The following SEMA3A variants were observed in gnomAD, a reference collection of about 807,000 sequenced individuals.
The protein encoded by SEMA3A is semaphorin-3A.
SEMA3A carries 29 observed loss-of-function variants against 97.9 expected under a neutral mutation model. The observed-to-expected ratio is 0.30, with a 90% confidence interval of 0.22 to 0.40. The LOEUF (loss-of-function observed/expected upper bound fraction) is 0.40, where lower values mean the gene tolerates loss of function less well. SEMA3A is among the 10% of genes least tolerant of loss of function. The probability of loss-of-function intolerance (pLI) is 1.00; values close to 1 mark genes in which losing one functional copy is unlikely to be tolerated. For synonymous variants in SEMA3A, 321 were observed against 323.7 expected (o/e 0.99, Z 0.09); for missense variants, 763 against 951.3 (o/e 0.80, Z 2.60).
intron 3 of SEMA3A, among the ~76,000 whole-genome samples, chr7:84,256,328 T>C (rs1271795803): frequency 6.6e-6 from 1 of 152,046 alleles, no homozygotes; most frequent in Non-Finnish European, 1.5e-5. Context: ...TGTCTCTAAC[T>C]CATTTATCTT....
intron 13 of SEMA3A, among the ~76,000 whole-genome samples, chr7:83,982,054 T>G (rs1789434318): frequency 6.6e-6 from 1 of 152,096 alleles, no homozygotes; most frequent in East Asian, 1.9e-4. Context: ...ACTACTAAAT[T>G]ACTACCCTTC....
intron 1 of SEMA3A, among the ~76,000 whole-genome samples, chr7:84,193,043 A>C (rs913267279): frequency 6.6e-6 from 1 of 151,996 alleles, no homozygotes; most frequent in Non-Finnish European, 1.5e-5. Flanking sequence ...TTAATTAAAT[A>C]ACGCTACATG....
At chr7:84,129,445 A>G (rs928729993) in intron 2 of SEMA3A, among the ~76,000 whole-genome samples, 2 of 152,204 alleles carry the variant, frequency 1.3e-5, no homozygotes, top group African/African-American at 4.8e-5. Flanking sequence ...CAATAGATCT[A>G]AGCAGTGTAG....
chr7:84,014,042 T>A (rs779312906), intron 7 of SEMA3A, among the ~76,000 whole-genome samples, 167 bp downstream of exon 7: 3 of 152,220 alleles, frequency 2.0e-5, no homozygotes, highest in Non-Finnish European at 4.4e-5. Context: ...TGCGAAGAGT[T>A]ACTCATAACC....
chr7:83,999,979 TA>T (rs1306132241), intron 12 of SEMA3A, among the ~76,000 whole-genome samples: 1 of 152,128 alleles, frequency 6.6e-6, no homozygotes, highest in East Asian at 1.9e-4. Flanking sequence ...AGGAAGGCCT[TA>T]AATTCTTTAA....
At position 84,095,358 on chromosome 7, in the gene SEMA3A, C is replaced by CATATATATATAT. The variant is rs200107086; in HGVS notation, c.453+15100_453+15111dup. On this transcript the variant is annotated intron_variant, in intron 4 of 16. Transcript: ENST00000265362. ...ATATATATTTTATATTTTTTATATA[C>CATATATATATAT]ATATATATATATATATATATATATA... 1.7e-3 allele frequency among the ~76,000 whole-genome samples: 203 copies of CATATATATATAT among 122,844 alleles called. 1 individual carries two copies. Among genetic ancestry groups the CATATATATATAT allele is most frequent in the African/African-American group, 4.8e-3 (139 of 28,980 alleles). The allele number at this position is 122,844 out of a possible 152,430, so 80.6% of individuals were successfully genotyped here.
chr7:84,410,194 C>G (rs1804223386), intron 1 of SEMA3A, among the ~76,000 whole-genome samples: 1 of 152,054 alleles, frequency 6.6e-6, no homozygotes, highest in Non-Finnish European at 1.5e-5. Context: ...AAGAAAAACA[C>G]AAATTCACAC....
rs1801405665 is a variant in SEMA3A at position 84,313,368 on chromosome 7, A to ACG, written c.-168-6077_-168-6076insCG. ...TATATGTGTGTGTGTATATATATAT[A>ACG]TATATATATATATATATATATATAT... On this transcript the variant is annotated intron_variant, in intron 2 of 3. Transcript: ENST00000424555. Among the ~76,000 whole-genome samples, 4 of 27,620 alleles carry ACG rather than the reference A, an allele frequency of 1.4e-4. 1 individual carries two copies. The highest frequency in any genetic ancestry group is 2.9e-4 in the African/African-American group (4 of 13,724). The allele number at this position is 27,620 out of a possible 152,430, so 18.1% of individuals were successfully genotyped here.
intron 1 of SEMA3A, among the ~76,000 whole-genome samples, chr7:84,417,875 T>C (rs1450570030): frequency 6.6e-6 from 1 of 152,146 alleles, no homozygotes; most frequent in Non-Finnish European, 1.5e-5. Flanking sequence ...TGTATGTATT[T>C]AACATTATAT....
At chr7:84,486,095 A>G (rs867027407) in intron 1 of SEMA3A, among the ~76,000 whole-genome samples, 1 of 152,202 alleles carries the variant, frequency 6.6e-6, no homozygotes, top group African/African-American at 2.4e-5. Flanking sequence ...TACGTGATAT[A>G]AAACAAATTA....
intron 1 of SEMA3A, among the ~76,000 whole-genome samples, chr7:84,472,200 T>C (rs755574122): frequency 6.6e-6 from 1 of 152,114 alleles, no homozygotes; most frequent in Non-Finnish European, 1.5e-5. Flanking sequence ...ATATTGTTCA[T>C]GAACTGAGGA....
rs1457187590 is a variant in SEMA3A, at chr7:84,436,020, A to G, written c.-246+56440T>C. 3.9e-5 allele frequency among the ~76,000 whole-genome samples: 6 copies of G among 152,208 alleles called. No homozygotes were observed. The East Asian group carries it at 5.8e-4, about 15-fold the overall frequency. ...GGAACCAAATAGGGAACTCAGAAAC[A>G]GAACTGCACACCTAAAACTATCTGA... On this transcript the variant is annotated intron_variant, in intron 1 of 3. Coordinates refer to the SEMA3A transcript ENST00000424555.
chr7:84,265,477 T>TTATATATAAAATATATTATATATCA (rs1799967891), intron 3 of SEMA3A, among the ~76,000 whole-genome samples: 1 of 147,502 alleles, frequency 6.8e-6, no homozygotes, highest in Non-Finnish European at 1.5e-5. Context: ...TGAATATATC[T>TTATATATAAAATATATTATATATCA]TATATATAAA....
intron 2 of SEMA3A, among the ~76,000 whole-genome samples, chr7:84,314,227 C>G (rs780009044): frequency 4.6e-5 from 7 of 152,018 alleles, no homozygotes; most frequent in Non-Finnish European, 1.0e-4. Context: ...GTGAGTCTAT[C>G]TAGTTTTGCA....
chr7:84,009,033 CATAAAGA>C (rs575003324), intron 9 of SEMA3A, among the ~76,000 whole-genome samples: 29 of 152,134 alleles, frequency 1.9e-4, no homozygotes, highest in Admixed American at 1.7e-3. Context: ...ATTCTATTGA[CATAAAGA>C]GGTGAAATTA....
intron 1 of SEMA3A, among the ~76,000 whole-genome samples, chr7:84,469,528 T>C (rs971387332): frequency 5.3e-5 from 8 of 152,190 alleles, no homozygotes; most frequent in African/African-American, 1.9e-4. Flanking sequence ...AAAGTGCAGG[T>C]TGAGTTACTT....
chr7:84,166,733 G>C (rs1230424995), intron 1 of SEMA3A, among the ~76,000 whole-genome samples: 4 of 151,528 alleles, frequency 2.6e-5, no homozygotes. Context: ...AAATTAGCTG[G>C]GCGCGGTGGC....
chr7:84,273,310 C>T (rs1800200758), intron 3 of SEMA3A, among the ~76,000 whole-genome samples: 1 of 152,040 alleles, frequency 6.6e-6, no homozygotes, highest in Admixed American at 6.6e-5. Flanking sequence ...CCCCGAATTT[C>T]CATAATGTTT....
intron 5 of SEMA3A, among the ~76,000 whole-genome samples, chr7:84,049,042 T>C (rs1274693820): frequency 1.3e-5 from 2 of 152,108 alleles, no homozygotes; most frequent in Non-Finnish European, 2.9e-5. Context: ...TTATTTCTCT[T>C]TTCACAAAAG....
Sources: gnomAD v4.1 joint callset for allele counts (sites outside exome capture counted in the v4.1 genomes callset) on GRCh38, gnomAD v4.1.1 for gene constraint, MANE v1.5 for transcripts, NCBI Gene and HGNC (gene_info 2026-07-23, HGNC 2026-07-21) for gene names.